Variants in TXLNB observed in about 807,000 individuals in gnomAD.
The protein encoded by TXLNB is taxilin beta, also known as beta-taxilin.
Under a neutral mutation model 57.4 loss-of-function variants are expected in TXLNB, and 37 were observed. That is an observed-to-expected ratio of 0.64 (90% CI 0.50 to 0.85). TXLNB has a LOEUF of 0.85. Ranked by LOEUF, TXLNB falls within the 40% of genes least tolerant of loss-of-function variation. TXLNB has a pLI of 0.00. For synonymous variants in TXLNB, 302 were observed against 309.6 expected (o/e 0.98, Z 0.26); for missense variants, 848 against 825.6 (o/e 1.03, Z -0.33).
chr6:139,301,243 T>C, the TXLNB span, among the ~76,000 whole-genome samples: 2 of 152,128 alleles, frequency 1.3e-5, no homozygotes, highest in Non-Finnish European at 2.9e-5. Context: ...TTCTCATATA[T>C]ACCCAAGAGA....
At chr6:139,208,155 T>A in the TXLNB span, among the ~76,000 whole-genome samples, 1 of 152,090 alleles carries the variant, frequency 6.6e-6, no homozygotes, top group Non-Finnish European at 1.5e-5. Context: ...CATTCAAGAC[T>A]ACTATGAACA....
the TXLNB span, among the ~76,000 whole-genome samples, chr6:139,321,078 T>C: frequency 6.6e-6 from 1 of 152,172 alleles, no homozygotes; most frequent in Admixed American, 6.5e-5. Flanking sequence ...TCAGACACTA[T>C]TATTTGGGTT....
intron 7 of TXLNB, among the ~76,000 whole-genome samples, chr6:139,250,197 T>A (rs1477208296): frequency 4.4e-5 from 6 of 137,320 alleles, no homozygotes; most frequent in African/African-American, 1.4e-4. Flanking sequence ...TTTTTTTTTT[T>A]AACACAGGCT....
chr6:139,271,055 C>G (rs73777616), intron 3 of TXLNB, among the ~76,000 whole-genome samples: 6,284 of 152,124 alleles, frequency 0.041, 424 homozygotes, highest in African/African-American at 0.14. Flanking sequence ...TTCCTTGAAA[C>G]AAGCTTCTAG....
chr6:139,299,030 G>A, the TXLNB span, among the ~76,000 whole-genome samples: 25 of 152,270 alleles, frequency 1.6e-4, no homozygotes, highest in Admixed American at 1.2e-3. Flanking sequence ...GGCACCATGC[G>A]TCTTATGCAG....
chr6:139,262,128 G>T (rs141584361), intron 5 of TXLNB, among the ~76,000 whole-genome samples: 7 of 151,758 alleles, frequency 4.6e-5, no homozygotes, highest in African/African-American at 1.7e-4. Flanking sequence ...GGCTGCTCTC[G>T]AACTCCTGAC....
the TXLNB span, among the ~76,000 whole-genome samples, chr6:139,303,092 A>G: frequency 6.6e-6 from 1 of 152,268 alleles, no homozygotes; most frequent in Admixed American, 6.5e-5. Context: ...ATTTATCCAA[A>G]GACCTCTGAA....
At chr6:139,184,313 G>A in the TXLNB span, among the ~76,000 whole-genome samples, 1 of 152,196 alleles carries the variant, frequency 6.6e-6, no homozygotes, top group Admixed American at 6.5e-5. Flanking sequence ...TTGTGACAAG[G>A]GAGTAGATTT....
the TXLNB span, among the ~76,000 whole-genome samples, chr6:139,314,108 T>C: frequency 7.1e-4 from 108 of 152,330 alleles, no homozygotes; most frequent in African/African-American, 2.4e-3. Flanking sequence ...CAAAATAGAT[T>C]GCTTAGACAT....
Position 139,288,530 on chromosome 6 carries a change from C to T in TXLNB, c.370G>A (p.Glu124Lys), listed in dbSNP as rs778287158. ...VASGEPPTVK[E>K]PVSNKEQKLE... ...TTTTGCTCCTTATTGCTGACGGGCT[C>T]TTTGACAGTGGGTGGCTCTCCAGAA... Residue 124 changes from glutamate (E) to lysine (K), a missense_variant, in exon 2 of 10, where the codon GAG becomes AAG. By Grantham distance (56) the Glu-to-Lys change is moderately conservative. Transcript: ENST00000358430. The T allele has an allele frequency of 1.9e-6, 3 of 1,614,206 alleles. No homozygotes were observed. The highest frequency in any genetic ancestry group is 2.2e-5 in the South Asian group (2 of 91,088).
intron 2 of TXLNB, 155 bp from the exon 3 acceptor site, chr6:139,277,076 A>G (rs1776917744): frequency 1.7e-6 from 1 of 581,456 alleles, no homozygotes; most frequent in Non-Finnish European, 3.0e-6. Context: ...AAATGATGAC[A>G]CCTACCTTAC....
chr6:139,166,280 C>G, the TXLNB span: 5 of 1,584,830 alleles, frequency 3.2e-6, no homozygotes, highest in South Asian at 3.4e-5. Context: ...TATTCCTCCC[C>G]CAGAAGCCCC....
the TXLNB span, among the ~76,000 whole-genome samples, chr6:139,303,701 GAA>G: frequency 1.3e-5 from 2 of 151,278 alleles, no homozygotes; most frequent in Non-Finnish European, 2.9e-5. Context: ...TACAATTATA[GAA>G]TTCCTAAATT....
At chr6:139,319,077 G>A in the TXLNB span, among the ~76,000 whole-genome samples, 1 of 151,378 alleles carries the variant, frequency 6.6e-6, no homozygotes, top group Non-Finnish European at 1.5e-5. Flanking sequence ...CAAGTAGCTG[G>A]GACTACAGGC....
At chr6:139,210,730 A>T in the TXLNB span, among the ~76,000 whole-genome samples, 1 of 152,206 alleles carries the variant, frequency 6.6e-6, no homozygotes, top group Non-Finnish European at 1.5e-5. Context: ...TCCCTTTCCT[A>T]GTCAAAGAAA....
At chr6:139,307,051 A>C in the TXLNB span, among the ~76,000 whole-genome samples, 1 of 152,176 alleles carries the variant, frequency 6.6e-6, no homozygotes, top group Non-Finnish European at 1.5e-5. Context: ...TGATTCTACT[A>C]TTAGATGTTT....
intron 3 of TXLNB, among the ~76,000 whole-genome samples, chr6:139,275,345 G>A (rs945619479): frequency 7.2e-5 from 11 of 152,144 alleles, no homozygotes; most frequent in African/African-American, 2.7e-4. Flanking sequence ...ATGGAAAAAT[G>A]CCTGTCACGT....
the TXLNB span, among the ~76,000 whole-genome samples, chr6:139,214,497 C>G: frequency 6.6e-6 from 1 of 152,128 alleles, no homozygotes; most frequent in Non-Finnish European, 1.5e-5. Flanking sequence ...TAAGAGCTAT[C>G]TATGACAAAC....
At chr6:139,298,171 G>C in the TXLNB span, among the ~76,000 whole-genome samples, 1 of 152,208 alleles carries the variant, frequency 6.6e-6, no homozygotes, top group Non-Finnish European at 1.5e-5. Context: ...TTCTAGTAAA[G>C]AGCAGATGGA....
Sources: allele counts gnomAD v4.1 joint callset (sites outside exome capture counted in the v4.1 genomes callset), GRCh38; gene constraint gnomAD v4.1.1; transcripts MANE v1.5; gene names NCBI Gene and HGNC (gene_info 2026-07-23, HGNC 2026-07-21).